The following CHD6 variants were observed in gnomAD, a reference collection of about 807,000 sequenced individuals.
The protein encoded by CHD6 is chromodomain helicase DNA binding protein 6.
CHD6 carries 50 observed loss-of-function variants against 276.9 expected under a neutral mutation model. The observed-to-expected ratio is 0.18, with a 90% CI of 0.14 to 0.23. The LOEUF is 0.23. CHD6 is among the 10% of genes least tolerant of loss of function. The probability of loss-of-function intolerance (pLI) is 1.00; values close to 1 mark genes in which losing one functional copy is unlikely to be tolerated. For missense variants in CHD6, 2,564 were observed against 3,365.8 expected, an observed-to-expected ratio of 0.76 and a Z score of 5.89; for synonymous variants, 1,173 against 1,229.3, an observed-to-expected ratio of 0.95 and a Z score of 0.96.
At chr20:41,588,671 T>C (rs2045622668) in intron 1 of CHD6, among the ~76,000 whole-genome samples, 1 of 152,148 alleles carries the variant, frequency 6.6e-6, no homozygotes, top group African/African-American at 2.4e-5. Flanking sequence ...CTAAGCTAGT[T>C]AGGCCTAAAT....
At chr20:41,479,365 G>A (rs549798288) in intron 16 of CHD6, among the ~76,000 whole-genome samples, 1 of 152,256 alleles carries the variant, frequency 6.6e-6, no homozygotes, top group African/African-American at 2.4e-5. Context: ...AATGATCACA[G>A]TTAAACTGCT....
intron 29 of CHD6, 124 bp downstream of exon 29, chr20:41,425,054 T>G: frequency 5.5e-6 from 4 of 724,890 alleles, no homozygotes; most frequent in Non-Finnish European, 7.1e-6. Flanking sequence ...TGTAATGAAT[T>G]CTGGAGACAA....
chr20:41,439,566 T>A (rs921488807), intron 26 of CHD6, among the ~76,000 whole-genome samples: 2 of 152,202 alleles, frequency 1.3e-5, no homozygotes, highest in Non-Finnish European at 2.9e-5. Context: ...ATCTTGCTCA[T>A]GGACTATGCA....
intron 1 of CHD6, among the ~76,000 whole-genome samples, chr20:41,609,405 T>C (rs961642388): frequency 6.6e-6 from 1 of 152,170 alleles, no homozygotes; most frequent in African/African-American, 2.4e-5. Flanking sequence ...GACACTTGTG[T>C]CAAACAGAAG....
chr20:41,498,075 ACT>A (rs1479134328), intron 7 of CHD6, 91 bp downstream of exon 7: 1 of 882,924 alleles, frequency 1.1e-6, no homozygotes, highest in African/African-American at 1.7e-5. Context: ...TAGAGGCAAG[ACT>A]CTGAAGATGT....
At chr20:41,482,606 A>C (rs1444850701) in intron 16 of CHD6, 1 of 478,862 alleles carries the variant, frequency 2.1e-6, no homozygotes, top group East Asian at 5.7e-5. Flanking sequence ...TTTATCATTA[A>C]GAATGAATTT....
Position 41,512,678 on chromosome 20 carries a change from G to A in CHD6, c.852+168C>T, listed in dbSNP as rs1193106047. ...ATCGTGGAGGGTCCTGCTGAGCACA[G>A]TAAGGAGTCTGAATGTCATTCCCAA... On this transcript the variant is annotated intron_variant, in intron 5 of 36. Transcript: ENST00000373233. 3.3e-5 allele frequency among the ~76,000 whole-genome samples: 5 copies of A among 152,120 alleles called. No individual in the cohort carries two copies. The East Asian group carries it at 9.6e-4, about 29-fold the overall frequency.
In CHD6 at chr20:41,431,776, CT is replaced by C. The variant is rs61227802; in HGVS notation, c.4068+5497del. Among the ~76,000 whole-genome samples the C allele has an allele frequency of 3.0e-3, 315 of 104,680 alleles. 2 individuals carry two copies. The highest frequency in any genetic ancestry group is 4.9e-3 in the Middle Eastern group (1 of 206). 68.7% of individuals were successfully genotyped at this position (104,680 alleles called of 152,430 possible). On this transcript the variant is annotated intron_variant, in intron 27 of 36. Coordinates refer to ENST00000373233, the MANE Select transcript of CHD6 (RefSeq NM_032221.5). ...AGGAATGACATGATGAAAAAACATG[CT>C]TTTTTTTTTTTTTTGCTTCATATAT...
At chr20:41,595,076 G>T (rs1035225147) in intron 1 of CHD6, among the ~76,000 whole-genome samples, 1 of 152,214 alleles carries the variant, frequency 6.6e-6, no homozygotes, top group African/African-American at 2.4e-5. Context: ...ATCATCTCTT[G>T]TGAGGAGATG....
chr20:41,571,806 T>A (rs1031283218), intron 1 of CHD6, among the ~76,000 whole-genome samples: 22 of 152,200 alleles, frequency 1.4e-4, no homozygotes, highest in African/African-American at 5.3e-4. Flanking sequence ...TATTTTAAAT[T>A]TTAATGAAAT....
chr20:41,538,189 A>G (rs576769008), intron 2 of CHD6, among the ~76,000 whole-genome samples: 26 of 152,252 alleles, frequency 1.7e-4, no homozygotes, highest in Non-Finnish European at 3.5e-4. Flanking sequence ...CCTATCTACT[A>G]AGAACACAAA....
intron 27 of CHD6, among the ~76,000 whole-genome samples, chr20:41,429,138 A>C (rs1282919437): frequency 6.6e-6 from 1 of 152,206 alleles, no homozygotes; most frequent in African/African-American, 2.4e-5. Flanking sequence ...CACAGCACGG[A>C]CATGCATGCT....
At position 41,531,619 on chromosome 20, in the gene CHD6, C is replaced by T. The variant is rs1056607941; in HGVS notation, c.554+1431G>A. Among the ~76,000 whole-genome samples the T allele has an allele frequency of 7.2e-5, 11 of 152,284 alleles. No individual in the cohort carries two copies. The East Asian group carries it at 2.1e-3, about 29-fold the overall frequency. ...GGCCGTCTGTAAGGTATTTTATGGG[C>T]ATTTTCTGTAACCTACATTCCTGAG... On this transcript the variant is annotated intron_variant, in intron 3 of 36. Coordinates refer to ENST00000373233, the MANE Select transcript of CHD6 (RefSeq NM_032221.5).
chr20:41,434,287 C>G (rs895280957), intron 27 of CHD6, among the ~76,000 whole-genome samples: 1 of 152,030 alleles, frequency 6.6e-6, no homozygotes. Flanking sequence ...GATAAAGTAC[C>G]CTTCAGAGCA....
At position 41,421,140 on chromosome 20, in the gene CHD6, C is replaced by G. The variant is rs1032698078; in HGVS notation, c.5495G>C (p.Cys1832Ser). 54 of 1,613,990 alleles carry G rather than the reference C, an allele frequency of 3.3e-5. No homozygotes were observed. The highest frequency in any genetic ancestry group is 4.5e-5 in the Non-Finnish European group (53 of 1,180,006). The change falls in exon 31 of 37, where the codon TGT becomes TCT. Residue 1832 changes from cysteine to serine, a missense_variant. This residue lies in a region of CHD6 where 1,024 missense variants were observed against 1,047.9 expected (regional missense o/e 0.98). Transcript: ENST00000373233. ...GFVDMCSLSV[C>S]DSKRNLSSDQ... ...TGATGACAGGTTTCTTTTGGAGTCACAGACACTAAGACTGCACATATCTAC... is the reference window on the plus strand; with the variant it reads ...TGATGACAGGTTTCTTTTGGAGTCAGAGACACTAAGACTGCACATATCTAC...
intron 7 of CHD6, 109 bp from the exon 8 acceptor site, chr20:41,497,610 TTTA>T: frequency 1.2e-6 from 1 of 806,972 alleles, no homozygotes; most frequent in Non-Finnish European, 2.2e-6. Context: ...AGTAAAATGG[TTTA>T]TTGTGAAACT....
chr20:41,449,309 T>A (rs1166740671), intron 23 of CHD6, among the ~76,000 whole-genome samples: 4 of 152,318 alleles, frequency 2.6e-5, no homozygotes, highest in Middle Eastern at 6.8e-3. Context: ...TCAGCTTTAG[T>A]AAAAAGTGGA....
chr20:41,447,236 G>C (rs1474606646), intron 24 of CHD6, among the ~76,000 whole-genome samples: 1 of 152,168 alleles, frequency 6.6e-6, no homozygotes, highest in Non-Finnish European at 1.5e-5. Flanking sequence ...TCAACACAAA[G>C]TCCAAATATC....
chr20:41,576,021 T>C (rs890074565), intron 1 of CHD6, among the ~76,000 whole-genome samples: 10 of 152,240 alleles, frequency 6.6e-5, no homozygotes, highest in African/African-American at 2.2e-4. Flanking sequence ...ATTTATTCTC[T>C]AGATGAAAAA....
Sources: allele counts gnomAD v4.1 joint callset (sites outside exome capture counted in the v4.1 genomes callset), GRCh38; gene constraint gnomAD v4.1.1; regional missense constraint gnomAD v4.1.1; transcripts MANE v1.5; gene names NCBI Gene and HGNC (gene_info 2026-07-23, HGNC 2026-07-21).